Variants in RBMS3 observed in about 807,000 individuals in gnomAD.
The protein encoded by RBMS3 is RNA-binding motif, single-stranded-interacting protein 3.
In RBMS3, 27 loss-of-function variants were observed where a neutral mutation model predicts 66.8. The observed-to-expected ratio is 0.40, with a 90% CI of 0.30 to 0.56. RBMS3 has a LOEUF of 0.56. Ranked by LOEUF, RBMS3 falls within the 20% of genes least tolerant of loss-of-function variation. The pLI is 0.40. For missense variants in RBMS3, 513 were observed against 549.5 expected, an observed-to-expected ratio of 0.93 and a Z score of 0.66; for synonymous variants, 188 against 183.0, an observed-to-expected ratio of 1.03 and a Z score of -0.22.
At chr3:29,322,266 G>A (rs1030741402) in intron 1 of RBMS3, among the ~76,000 whole-genome samples, 8 of 151,978 alleles carry the variant, frequency 5.3e-5, no homozygotes, top group African/African-American at 1.9e-4. Context: ...CTACGGATAC[G>A]AGAAATTAAG....
chr3:29,385,915 A>G (rs140568004), intron 1 of RBMS3, among the ~76,000 whole-genome samples: 6 of 152,220 alleles, frequency 3.9e-5, no homozygotes, highest in African/African-American at 1.4e-4. Flanking sequence ...ATTATGAACT[A>G]TGGCATCTAT....
intron 6 of RBMS3, among the ~76,000 whole-genome samples, chr3:29,788,891 C>A (rs948997887): frequency 6.6e-6 from 1 of 152,094 alleles, no homozygotes; most frequent in Non-Finnish European, 1.5e-5. Flanking sequence ...AACACCTTGG[C>A]CAATACAATG....
rs542124433 is a variant in RBMS3 at position 29,336,326 on chromosome 3, T to A, written c.75+54570T>A. Among the ~76,000 whole-genome samples the A allele has an allele frequency of 2.0e-5, 3 of 152,218 alleles. No homozygotes were observed. In the South Asian group the frequency reaches 6.2e-4, roughly 32 times the overall value. Reference sequence around the variant, plus strand: ...TCCAAACTATACCATGGCAGTTGTGTTTTTTTGCAAGGCACAATTCTTAAC... The same window carrying A: ...TCCAAACTATACCATGGCAGTTGTGATTTTTTGCAAGGCACAATTCTTAAC... On this transcript the variant is annotated intron_variant, in intron 1 of 14. Coordinates refer to ENST00000383767, the MANE Select transcript of RBMS3 (RefSeq NM_001003793.3).
chr3:29,365,390 ATT>A (rs984764976), intron 1 of RBMS3, among the ~76,000 whole-genome samples: 1 of 152,062 alleles, frequency 6.6e-6, no homozygotes, highest in African/African-American at 2.4e-5. Flanking sequence ...GGAAAAAAAC[ATT>A]TTTCCATCAT....
intron 8 of RBMS3, among the ~76,000 whole-genome samples, chr3:29,893,289 C>G (rs926328510): frequency 2.0e-5 from 3 of 151,390 alleles, no homozygotes; most frequent in Non-Finnish European, 4.4e-5. Context: ...TAAATTTTCC[C>G]CCAAGGGTTC....
At chr3:29,942,605 A>AAGT (rs1223721676) in intron 11 of RBMS3, among the ~76,000 whole-genome samples, 1 of 151,818 alleles carries the variant, frequency 6.6e-6, no homozygotes, top group Non-Finnish European at 1.5e-5. Context: ...AACTCTAAAG[A>AAGT]AGTATTATAA....
At chr3:29,308,906 CT>C (rs1389520491) in intron 1 of RBMS3, among the ~76,000 whole-genome samples, 2 of 150,848 alleles carry the variant, frequency 1.3e-5, no homozygotes, top group African/African-American at 2.4e-5. Flanking sequence ...GAGCTCTAAT[CT>C]TTTTTTTAAG....
chr3:29,726,278 A>G (rs933465771), intron 4 of RBMS3, among the ~76,000 whole-genome samples: 1 of 152,200 alleles, frequency 6.6e-6, no homozygotes, highest in Non-Finnish European at 1.5e-5. Flanking sequence ...AGCTGGAAGC[A>G]TTCCCTTTGA....
At chr3:29,852,897 A>G (rs535638849) in intron 6 of RBMS3, among the ~76,000 whole-genome samples, 10 of 152,344 alleles carry the variant, frequency 6.6e-5, no homozygotes, top group African/African-American at 1.7e-4. Flanking sequence ...TAGCAAAGTC[A>G]TGGAATCAAC....
At chr3:29,729,205 T>C (rs1278492158) in intron 4 of RBMS3, among the ~76,000 whole-genome samples, 1 of 137,946 alleles carries the variant, frequency 7.2e-6, no homozygotes, top group Non-Finnish European at 1.5e-5. Context: ...AGTGATCTCA[T>C]TGTTCAGTTC....
At chr3:29,913,747 C>T (rs116690898) in intron 10 of RBMS3, among the ~76,000 whole-genome samples, 2,330 of 152,008 alleles carry the variant, frequency 0.015, 64 homozygotes, top group African/African-American at 0.053. Context: ...ACCATTTCTG[C>T]ATAACAATGT....
chr3:29,933,570 ATTG>A (rs2061186870), intron 10 of RBMS3, among the ~76,000 whole-genome samples: 1 of 152,062 alleles, frequency 6.6e-6, no homozygotes, highest in African/African-American at 2.4e-5. Context: ...AATTTGTAGG[ATTG>A]TTTTCACTGA....
chr3:29,622,887 C>T (rs1417682667), intron 4 of RBMS3, among the ~76,000 whole-genome samples: 3 of 152,040 alleles, frequency 2.0e-5, no homozygotes, highest in East Asian at 1.9e-4. Context: ...GAGGCCAAGG[C>T]GGTTGGATCA....
At chr3:29,486,475 G>A (rs2043323078) in intron 2 of RBMS3, among the ~76,000 whole-genome samples, 1 of 152,078 alleles carries the variant, frequency 6.6e-6, no homozygotes, top group South Asian at 2.1e-4. Flanking sequence ...TCAAGAAATA[G>A]TATGGTTTGC....
At chr3:29,318,954 G>A (rs10865826) in intron 1 of RBMS3, among the ~76,000 whole-genome samples, 98,446 of 151,728 alleles carry the variant, frequency 0.65, 32,952 homozygotes, top group East Asian at 0.88. Context: ...AAGAACAAGT[G>A]GGATTTCAGT....
intron 1 of RBMS3, among the ~76,000 whole-genome samples, chr3:29,375,539 C>T (rs2038421079): frequency 6.6e-6 from 1 of 152,108 alleles, no homozygotes; most frequent in African/African-American, 2.4e-5. Flanking sequence ...AAAAAGTGAA[C>T]AAATGACATG....
At chr3:29,357,473 A>C (rs2037294844) in intron 1 of RBMS3, among the ~76,000 whole-genome samples, 2 of 152,174 alleles carry the variant, frequency 1.3e-5, no homozygotes, top group South Asian at 4.1e-4. Flanking sequence ...GTTGGTTCCA[A>C]GTCTTGGCGA....
intron 3 of RBMS3, among the ~76,000 whole-genome samples, chr3:29,547,797 T>A (rs948192724): frequency 2.0e-5 from 3 of 148,032 alleles, no homozygotes; most frequent in African/African-American, 7.5e-5. Flanking sequence ...ATAAGCTTGT[T>A]TGTGGATTGA....
chr3:29,538,280 G>C (rs572018001), intron 3 of RBMS3, among the ~76,000 whole-genome samples: 4 of 152,080 alleles, frequency 2.6e-5, no homozygotes, highest in Non-Finnish European at 4.4e-5. Flanking sequence ...CAATTTATGC[G>C]CCCTGGATTT....
Sources: gnomAD v4.1 joint callset for allele counts (sites outside exome capture counted in the v4.1 genomes callset) on GRCh38, gnomAD v4.1.1 for gene constraint, MANE v1.5 for transcripts, NCBI Gene and HGNC (gene_info 2026-07-23, HGNC 2026-07-21) for gene names.